Variants in EHF observed in about 807,000 individuals in gnomAD.
EHF encodes ESE3 transcription factor.
Under a neutral mutation model 45.1 loss-of-function variants are expected in EHF, and 14 were observed. The ratio of observed to expected loss-of-function variants is 0.31; its 90% CI spans 0.21 to 0.49. EHF has a LOEUF of 0.49. EHF is among the 20% of genes least tolerant of loss of function. The probability of loss-of-function intolerance (pLI) is 0.99; values close to 1 mark genes in which losing one functional copy is unlikely to be tolerated. For missense variants in EHF, 282 were observed against 371.4 expected, an observed-to-expected ratio of 0.76 and a Z score of 1.98; for synonymous variants, 136 against 131.8, an observed-to-expected ratio of 1.03 and a Z score of -0.22.
chr11:34,640,246 C>A (rs1034095235), intron 1 of EHF, among the ~76,000 whole-genome samples: 1 of 152,162 alleles, frequency 6.6e-6, no homozygotes, highest in Admixed American at 6.5e-5. Flanking sequence ...GGGTGCACAG[C>A]CTCCACGCCA....
At chr11:34,656,786 A>G in intron 6 of EHF, 122 bp from the exon 7 acceptor site, 1 of 1,079,956 alleles carries the variant, frequency 9.3e-7, no homozygotes, top group South Asian at 1.6e-5. Flanking sequence ...ACTAGCACAT[A>G]CTCAAAGGTG....
intron 2 of EHF, among the ~76,000 whole-genome samples, chr11:34,643,052 C>T (rs1476670676): frequency 6.8e-6 from 1 of 147,366 alleles, no homozygotes; most frequent in Non-Finnish European, 1.5e-5. Flanking sequence ...TCAAGATAGG[C>T]TAGGAGAGAA....
Position 34,658,530 on chromosome 11 carries a change from C to T in EHF, c.608-3C>T. ...AGTAACCTGCCTTTCTGCTTTTCAT[C>T]AGACCCGAGAGGGACTCACTTATGG... On this transcript the variant is annotated splice_region_variant and splice_polypyrimidine_tract_variant and intron_variant, in intron 7 of 8. Transcript: ENST00000257831. The T allele has an allele frequency of 6.2e-7, 1 of 1,609,476 alleles. No homozygotes were observed. Among genetic ancestry groups the T allele is most frequent in the Non-Finnish European group, 8.5e-7 (1 of 1,177,238 alleles).
intron 1 of EHF, chr11:34,622,322 G>T: frequency 2.3e-6 from 2 of 853,664 alleles, no homozygotes; most frequent in South Asian, 1.5e-5. Flanking sequence ...CTGGTTATCT[G>T]CACTCACCTT....
chr11:34,636,657 C>T (rs1318384578), intron 1 of EHF, among the ~76,000 whole-genome samples: 1 of 152,176 alleles, frequency 6.6e-6, no homozygotes, highest in African/African-American at 2.4e-5. Flanking sequence ...GTCAACATAG[C>T]CCACCAAGCC....
intron 6 of EHF, among the ~76,000 whole-genome samples, chr11:34,652,855 C>G (rs286897): frequency 0.33 from 49,544 of 152,058 alleles, 8,350 homozygotes; most frequent in East Asian, 0.54. Flanking sequence ...GTAAATGCTT[C>G]TGGAATTGAG....
rs1014274278 is a variant in EHF, at chr11:34,644,546, T to C, written c.97+1819T>C. 5.3e-5 allele frequency among the ~76,000 whole-genome samples: 8 copies of C among 152,314 alleles called. No homozygotes were observed. In the East Asian group the frequency reaches 1.5e-3, roughly 29 times the overall value. On this transcript the variant is annotated intron_variant, in intron 2 of 8. Coordinates refer to ENST00000257831, the MANE Select transcript of EHF (RefSeq NM_012153.6). ...GGTACGAGGAGCTAAGTGCATACTG[T>C]GAGTGGTGGGTATTACTAACGGCAG...
At chr11:34,656,869 G>A (rs1228803409) in intron 6 of EHF, 39 bp from the exon 7 acceptor site, 1 of 1,603,914 alleles carries the variant, frequency 6.2e-7, no homozygotes, top group Non-Finnish European at 8.5e-7. Context: ...AGAATTATAG[G>A]AAATAGGTCA....
chr11:34,657,963 T>C (rs1162593161), intron 7 of EHF, among the ~76,000 whole-genome samples: 3 of 152,114 alleles, frequency 2.0e-5, no homozygotes, highest in Non-Finnish European at 4.4e-5. Context: ...GATAATCTTA[T>C]TGCAGTAGTG....
chr11:34,623,090 C>G (rs905477698), intron 1 of EHF, among the ~76,000 whole-genome samples: 47 of 152,114 alleles, frequency 3.1e-4, no homozygotes, highest in African/African-American at 1.0e-3. Flanking sequence ...TTCAAACAAT[C>G]CTTTTTGGTT....
At chr11:34,653,856 G>T (rs557859605) in intron 6 of EHF, among the ~76,000 whole-genome samples, 1 of 152,142 alleles carries the variant, frequency 6.6e-6, no homozygotes, top group South Asian at 2.1e-4. Context: ...GAGCTAAGGC[G>T]AGGCCCAGCG....
chr11:34,653,896 G>T (rs1012585006), intron 6 of EHF, among the ~76,000 whole-genome samples: 14 of 152,184 alleles, frequency 9.2e-5, no homozygotes, highest in African/African-American at 3.4e-4. Flanking sequence ...ATAAACGCAG[G>T]TGGGGAAATA....
At position 34,650,833 on chromosome 11, in the gene EHF, A is replaced by G. The variant is rs2134177075; in HGVS notation, c.407-709A>G. On this transcript the variant is annotated intron_variant, in intron 4 of 8. Coordinates refer to ENST00000257831, the MANE Select transcript of EHF (RefSeq NM_012153.6). The stretch of plus-strand genomic sequence containing the variant: ...GGTGTTTACCGCAGCACACAGAAGA[A>G]AGAGAAAGAGAGACAGAGTACAAGA... 2.0e-5 allele frequency among the ~76,000 whole-genome samples: 3 copies of G among 152,280 alleles called. 1 individual carries two copies. In the Middle Eastern group the frequency reaches 0.01, roughly 518 times the overall value.
At chr11:34,657,870 C>T (rs1855811531) in intron 7 of EHF, among the ~76,000 whole-genome samples, 1 of 149,938 alleles carries the variant, frequency 6.7e-6, no homozygotes, top group Admixed American at 6.6e-5. Context: ...TCCCACAAAA[C>T]CATATTAATG....
chr11:34,646,758 A>G (rs1218875247), intron 3 of EHF, 74 bp downstream of exon 3: 2 of 1,572,516 alleles, frequency 1.3e-6, no homozygotes, highest in South Asian at 2.2e-5. Flanking sequence ...TGCAGATGAC[A>G]GGATTCTTTG....
At chr11:34,650,659 T>G (rs904608767) in intron 4 of EHF, among the ~76,000 whole-genome samples, 1 of 151,992 alleles carries the variant, frequency 6.6e-6, no homozygotes, top group Non-Finnish European at 1.5e-5. Context: ...AGGTGAGAGA[T>G]CTTACAGCTT....
At chr11:34,644,358 G>C (rs1156287617) in intron 2 of EHF, among the ~76,000 whole-genome samples, 1 of 152,180 alleles carries the variant, frequency 6.6e-6, no homozygotes, top group Non-Finnish European at 1.5e-5. Context: ...ACCAAAAATT[G>C]GGGGAAATGG....
intron 4 of EHF, 68 bp downstream of exon 4, chr11:34,649,149 G>T (rs922537373): frequency 1.9e-6 from 3 of 1,550,598 alleles, no homozygotes; most frequent in African/African-American, 2.7e-5. Flanking sequence ...GTTGGGAGAG[G>T]GCAAGAGAGA....
intron 1 of EHF, among the ~76,000 whole-genome samples, chr11:34,626,344 A>G (rs1242983472): frequency 6.6e-6 from 1 of 152,190 alleles, no homozygotes; most frequent in Non-Finnish European, 1.5e-5. Context: ...TACTTTTTGA[A>G]TAGAGCAATG....
Sources: gnomAD v4.1 joint callset for allele counts (sites outside exome capture counted in the v4.1 genomes callset) on GRCh38, gnomAD v4.1.1 for gene constraint, MANE v1.5 for transcripts, NCBI Gene and HGNC (gene_info 2026-07-23, HGNC 2026-07-21) for gene names.